Variants in VSNL1 observed in about 807,000 individuals in gnomAD.
VSNL1 encodes visinin like 1.
In VSNL1, 6 loss-of-function variants were observed where a neutral mutation model predicts 20.4. The observed-to-expected ratio is 0.29, with a 90% CI of 0.16 to 0.58. VSNL1 has a LOEUF of 0.58. Ranked by LOEUF, VSNL1 falls within the 20% of genes least tolerant of loss-of-function variation. The pLI, the probability that VSNL1 is intolerant of heterozygous loss-of-function variation, is 0.90. For synonymous variants in VSNL1, 93 were observed against 86.4 expected, an observed-to-expected ratio of 1.08 and a Z score of -0.42; for missense variants, 100 against 234.5, an observed-to-expected ratio of 0.43 and a Z score of 3.75.
At position 17,649,600 on chromosome 2, in the gene VSNL1, G is replaced by C; in HGVS notation, c.353G>C (p.Arg118Pro). Residue 118 changes from arginine (R) to proline (P), a missense_variant, in exon 3 of 4, where the codon CGA (arginine) becomes CCA (proline). Physicochemically the swap from Arg to Pro is moderately radical, Grantham distance 103. Transcript: ENST00000295156. This position sits in a 1 kb window ranked among gnomAD's most constrained non-coding sequence, Gnocchi z 6.4. ...YDLDGDGKIT[R>P]VEMLEIIEAI... ...CTGGATGGTGATGGCAAGATCACCC[G>C]AGTGGAGATGCTGGAGATCATCGAG... is the stretch of plus-strand genomic sequence containing the variant. 6.2e-7 allele frequency: 1 copy of C among 1,614,126 alleles called. No homozygotes were observed. Among genetic ancestry groups the C allele is most frequent in the Non-Finnish European group, 8.5e-7 (1 of 1,180,014 alleles).
chr2:17,634,928 G>T lies in VSNL1; in HGVS notation c.163-14482G>T, dbSNP rs529473532. 5.0e-4 allele frequency among the ~76,000 whole-genome samples: 76 copies of T among 152,134 alleles called. No individual in the cohort carries two copies. Among genetic ancestry groups the T allele is most frequent in the Non-Finnish European group, 9.4e-4 (64 of 68,006 alleles). On this transcript the variant is annotated intron_variant, in intron 2 of 3. Coordinates refer to ENST00000295156, the MANE Select transcript of VSNL1 (RefSeq NM_003385.5). This position sits in a 1 kb window ranked among gnomAD's most constrained non-coding sequence, Gnocchi z 4.3. ...ACGGTCAGGCTCTAACTGGCAGCTC[G>T]ACCCCTAGCTCGTTTGAACACACAT...
intron 1 of VSNL1, among the ~76,000 whole-genome samples, chr2:17,550,899 C>T (rs1460250940): frequency 6.6e-6 from 1 of 152,194 alleles, no homozygotes; most frequent in African/African-American, 2.4e-5. Flanking sequence ...CACATCTGAA[C>T]ACATAATCAC....
At chr2:17,646,246 T>C (rs1190537910) in intron 2 of VSNL1, among the ~76,000 whole-genome samples, 2 of 152,232 alleles carry the variant, frequency 1.3e-5, no homozygotes, top group Non-Finnish European at 2.9e-5. Flanking sequence ...AGTACATATG[T>C]GCTGCCAGAA....
At chr2:17,627,321 G>A (rs1665535531) in intron 2 of VSNL1, among the ~76,000 whole-genome samples, 1 of 152,192 alleles carries the variant, frequency 6.6e-6, no homozygotes, top group Non-Finnish European at 1.5e-5. Flanking sequence ...GATAAAAGAT[G>A]ACCTTTTCAC....
chr2:17,629,478 GAC>G lies in VSNL1; in HGVS notation c.163-19930_163-19929del, dbSNP rs563922948. On this transcript the variant is annotated intron_variant, in intron 2 of 3. Transcript: ENST00000295156. Reference sequence around the variant, plus strand: ...AGCTATAGCAATTTCTCCAGAGAAAGACAGTTTTGTTCCTGGGGCAGGATTGT... The same window carrying G: ...AGCTATAGCAATTTCTCCAGAGAAAGAGTTTTGTTCCTGGGGCAGGATTGT... Among the ~76,000 whole-genome samples the G allele has an allele frequency of 1.5e-4, 23 of 152,350 alleles. No individual in the cohort carries two copies. In the East Asian group the frequency reaches 3.3e-3, roughly 22 times the overall value.
intron 2 of VSNL1, among the ~76,000 whole-genome samples, chr2:17,605,854 T>G (rs1040088143): frequency 1.3e-5 from 2 of 152,230 alleles, no homozygotes; most frequent in Non-Finnish European, 2.9e-5. Context: ...AACCAGATAC[T>G]TTACGTCCTT....
chr2:17,541,147 G>C (rs1205929281), intron 1 of VSNL1: 2 of 151,954 alleles, frequency 1.3e-5, no homozygotes, highest in African/African-American at 4.8e-5. Flanking sequence ...CGGCGTGTTT[G>C]GGGGATTGTC....
In VSNL1 at chr2:17,610,208, A is replaced by G. The variant is rs147263929; in HGVS notation, c.162+17972A>G. 6.3e-3 allele frequency among the ~76,000 whole-genome samples: 963 copies of G among 152,272 alleles called. 4 individuals carry two copies. The highest frequency in any genetic ancestry group is 0.01 in the African/African-American group (432 of 41,524). ...ACTGTTTGATCTTTGTACTTCATCC[A>G]TCCATGTATTTGTTGAACATTATTG... On this transcript the variant is annotated intron_variant, in intron 2 of 3. Coordinates refer to ENST00000295156, the MANE Select transcript of VSNL1 (RefSeq NM_003385.5).
intron 1 of VSNL1, among the ~76,000 whole-genome samples, chr2:17,560,906 G>C (rs1663797943): frequency 6.6e-6 from 1 of 152,200 alleles, no homozygotes; most frequent in Non-Finnish European, 1.5e-5. Flanking sequence ...AACAGGGTAA[G>C]AGCTACTACA....
chr2:17,541,457 A>G (rs1047197680), intron 1 of VSNL1: 1 of 152,202 alleles, frequency 6.6e-6, no homozygotes, highest in African/African-American at 2.4e-5. Flanking sequence ...AAATGAGCAC[A>G]TTTCTCTCAG....
chr2:17,574,385 T>C (rs571966269), intron 1 of VSNL1, among the ~76,000 whole-genome samples: 123 of 152,332 alleles, frequency 8.1e-4, no homozygotes, highest in African/African-American at 2.5e-3. Flanking sequence ...TAAGCTCCTT[T>C]CTGCACCATG....
chr2:17,541,171 A>G (rs1663277560), intron 1 of VSNL1: 1 of 152,160 alleles, frequency 6.6e-6, no homozygotes, highest in Non-Finnish European at 1.5e-5. Flanking sequence ...GACTAGATTT[A>G]AGACAGGTGA....
intron 2 of VSNL1, among the ~76,000 whole-genome samples, chr2:17,621,184 C>T (rs576817105): frequency 8.8e-4 from 134 of 152,264 alleles, no homozygotes; most frequent in African/African-American, 3.1e-3. Flanking sequence ...CAGTTTCTTT[C>T]TCTAAAAATC....
At chr2:17,556,065 G>A (rs1373986391) in intron 1 of VSNL1, among the ~76,000 whole-genome samples, 1 of 152,026 alleles carries the variant, frequency 6.6e-6, no homozygotes, top group Admixed American at 6.6e-5. Flanking sequence ...TTTAAAACAT[G>A]GCATCAAACA....
intron 2 of VSNL1, among the ~76,000 whole-genome samples, chr2:17,607,396 G>C (rs1397914978): frequency 6.6e-6 from 1 of 152,198 alleles, no homozygotes; most frequent in East Asian, 1.9e-4. Flanking sequence ...TGAATAAAAT[G>C]TGGTACAAAG....
chr2:17,544,955 A>C (rs965319915), intron 1 of VSNL1, among the ~76,000 whole-genome samples: 1 of 152,206 alleles, frequency 6.6e-6, no homozygotes, highest in African/African-American at 2.4e-5. Flanking sequence ...GATCCATATA[A>C]GTCACCTAAT....
chr2:17,644,727 C>A (rs1665956818), intron 2 of VSNL1, among the ~76,000 whole-genome samples: 1 of 152,176 alleles, frequency 6.6e-6, no homozygotes, highest in Non-Finnish European at 1.5e-5. Context: ...GAAGGACCTG[C>A]TTAGAGCCTT....
intron 2 of VSNL1, 87 bp downstream of exon 2, chr2:17,592,323 C>G (rs1371035866): frequency 7.2e-6 from 10 of 1,380,770 alleles, no homozygotes; most frequent in Admixed American, 2.0e-5. Flanking sequence ...AATTATAACT[C>G]TAAGTAGCTA....
intron 1 of VSNL1, among the ~76,000 whole-genome samples, chr2:17,562,386 G>A (rs548500615): frequency 1.3e-5 from 2 of 152,126 alleles, no homozygotes; most frequent in South Asian, 4.2e-4. Flanking sequence ...CCCAGCAATC[G>A]ACAGACCAAA....
Sources: allele counts gnomAD v4.1 joint callset (sites outside exome capture counted in the v4.1 genomes callset), GRCh38; gene constraint gnomAD v4.1.1; non-coding constraint Gnocchi (gnomAD v3.1); transcripts MANE v1.5; gene names NCBI Gene and HGNC (gene_info 2026-07-23, HGNC 2026-07-21).